The following NXPH1 variants were observed in gnomAD, a reference collection of about 807,000 sequenced individuals.
NXPH1 encodes the protein neurexophilin-1.
NXPH1 carries 5 observed loss-of-function variants against 23.7 expected under a neutral mutation model. The ratio of observed to expected loss-of-function variants is 0.21; its 90% confidence interval spans 0.11 to 0.44. NXPH1 has a LOEUF of 0.44. Among genes scored for constraint, NXPH1 ranks in the 20% least tolerant of loss-of-function variants. The pLI is 0.99. For missense variants in NXPH1, 324 were observed against 321.6 expected, an observed-to-expected ratio of 1.01 and a Z score of -0.06; for synonymous variants, 144 against 122.2, an observed-to-expected ratio of 1.18 and a Z score of -1.18.
chr7:8,638,951 T>G (rs1820263047), intron 2 of NXPH1, among the ~76,000 whole-genome samples: 1 of 152,076 alleles, frequency 6.6e-6, no homozygotes, highest in Admixed American at 6.6e-5. Flanking sequence ...CCTTGACCTC[T>G]CCAACCCTCA....
At chr7:8,602,294 C>A (rs1164974484) in intron 2 of NXPH1, among the ~76,000 whole-genome samples, 1 of 152,146 alleles carries the variant, frequency 6.6e-6, no homozygotes, top group Non-Finnish European at 1.5e-5. Flanking sequence ...GAGATCTGAA[C>A]ACATTATTCC....
chr7:8,727,493 C>A (rs1319054031), intron 2 of NXPH1, among the ~76,000 whole-genome samples: 4 of 149,866 alleles, frequency 2.7e-5, no homozygotes, highest in African/African-American at 1.0e-4. Flanking sequence ...AGTCTTTAAT[C>A]CATCTTGAAT....
At chr7:8,663,159 A>G (rs1053329156) in intron 2 of NXPH1, among the ~76,000 whole-genome samples, 3 of 152,100 alleles carry the variant, frequency 2.0e-5, no homozygotes, top group African/African-American at 4.8e-5. Flanking sequence ...GTCATTTAGT[A>G]TACATGGAGT....
At chr7:8,577,125 T>C (rs891334184) in intron 2 of NXPH1, among the ~76,000 whole-genome samples, 2 of 152,192 alleles carry the variant, frequency 1.3e-5, no homozygotes, top group African/African-American at 4.8e-5. Context: ...ATCCTCCCTG[T>C]ATTGTTTAAT....
chr7:8,573,259 TCTAA>T (rs1401183150), intron 2 of NXPH1, among the ~76,000 whole-genome samples: 1 of 152,110 alleles, frequency 6.6e-6, no homozygotes, highest in Non-Finnish European at 1.5e-5. Context: ...AATATAATTG[TCTAA>T]CTTTGGGTTT....
At chr7:8,475,487 A>G (rs1816954118) in intron 2 of NXPH1, among the ~76,000 whole-genome samples, 3 of 152,154 alleles carry the variant, frequency 2.0e-5, no homozygotes, top group Admixed American at 1.3e-4. Context: ...AGATTTCTAA[A>G]TAAAAAACAA....
intron 2 of NXPH1, among the ~76,000 whole-genome samples, chr7:8,694,920 G>C (rs1821281589): frequency 6.6e-6 from 1 of 152,148 alleles, no homozygotes; most frequent in Non-Finnish European, 1.5e-5. Context: ...TTGGGATTCT[G>C]TGGATAATTC....
At chr7:8,693,037 G>A (rs747665729) in intron 2 of NXPH1, among the ~76,000 whole-genome samples, 3 of 152,066 alleles carry the variant, frequency 2.0e-5, no homozygotes, top group Admixed American at 6.6e-5. Context: ...TAGGAAAATA[G>A]AAAAAAGAGG....
At chr7:8,604,491 C>T (rs1251630701) in intron 2 of NXPH1, among the ~76,000 whole-genome samples, 3 of 152,060 alleles carry the variant, frequency 2.0e-5, no homozygotes, top group African/African-American at 7.2e-5. Flanking sequence ...TTCTTTGTTA[C>T]ATAGTAGATT....
chr7:8,667,371 A>ATTTGT (rs71017613), intron 2 of NXPH1, among the ~76,000 whole-genome samples: 3 of 37,464 alleles, frequency 8.0e-5, no homozygotes, highest in Non-Finnish European at 2.7e-4. Context: ...TTTCCCAAAT[A>ATTTGT]TTTGTTTTGT....
chr7:8,717,431 G>A (rs575851323), intron 2 of NXPH1, among the ~76,000 whole-genome samples: 5 of 152,136 alleles, frequency 3.3e-5, no homozygotes, highest in South Asian at 2.1e-4. Flanking sequence ...TCTGCAAAAT[G>A]TTCCTAGGAT....
chr7:8,532,687 C>G (rs1453793522), intron 2 of NXPH1, among the ~76,000 whole-genome samples: 1 of 152,092 alleles, frequency 6.6e-6, no homozygotes, highest in Non-Finnish European at 1.5e-5. Context: ...CACAGAGATT[C>G]TGATTATGCT....
intron 2 of NXPH1, among the ~76,000 whole-genome samples, chr7:8,545,418 A>G (rs1304294444): frequency 6.6e-6 from 1 of 151,524 alleles, no homozygotes; most frequent in Admixed American, 6.6e-5. Flanking sequence ...TATTAGAAAA[A>G]TGCCTCAACT....
intron 2 of NXPH1, among the ~76,000 whole-genome samples, chr7:8,480,894 A>T (rs1817062056): frequency 1.3e-5 from 2 of 152,208 alleles, no homozygotes; most frequent in Non-Finnish European, 2.9e-5. Context: ...GTTGTTGTCA[A>T]GATGGATATT....
chr7:8,745,298 A>G (rs961036466), intron 2 of NXPH1, among the ~76,000 whole-genome samples: 1 of 152,196 alleles, frequency 6.6e-6, no homozygotes, highest in Non-Finnish European at 1.5e-5. Context: ...CAAGCTATTT[A>G]CCATATGCAT....
intron 2 of NXPH1, among the ~76,000 whole-genome samples, chr7:8,553,849 C>T (rs1036802607): frequency 6.6e-6 from 1 of 151,652 alleles, no homozygotes; most frequent in Admixed American, 6.6e-5. Context: ...AAGTTGAGAT[C>T]TATTACTAAT....
chr7:8,611,060 C>T (rs932559455), intron 2 of NXPH1, among the ~76,000 whole-genome samples: 1 of 152,024 alleles, frequency 6.6e-6, no homozygotes, highest in Non-Finnish European at 1.5e-5. Context: ...TTCACTTTAC[C>T]CACAGAAATT....
chr7:8,601,028 A>G (rs936324381), intron 2 of NXPH1, among the ~76,000 whole-genome samples: 26 of 152,262 alleles, frequency 1.7e-4, no homozygotes, highest in African/African-American at 6.3e-4. Context: ...GATTTAAAGT[A>G]TATGGAAGGA....
In NXPH1 at chr7:8,435,478, T is replaced by C. The variant is rs1388128411; in HGVS notation, c.-110-126T>C. ...CGCTGGATTTACTCGCTTTTCAATT[T>C]TTCGTACCCTCCCTCCCTTTTTTTT... On this transcript the variant is annotated intron_variant, in intron 1 of 2. Coordinates refer to ENST00000405863, the MANE Select transcript of NXPH1 (RefSeq NM_152745.3). The surrounding 1 kb of genome is among the most constrained non-coding windows in gnomAD (Gnocchi z 5.9). 1.8e-6 allele frequency: 1 copy of C among 566,994 alleles called. No individual in the cohort carries two copies. The highest frequency in any genetic ancestry group is 3.1e-6 in the Non-Finnish European group (1 of 319,404). 35.1% of individuals were successfully genotyped at this position (566,994 alleles called of 1,614,324 possible).
Sources: gnomAD v4.1 joint callset for allele counts (sites outside exome capture counted in the v4.1 genomes callset) on GRCh38, gnomAD v4.1.1 for gene constraint, Gnocchi (gnomAD v3.1) non-coding constraint, MANE v1.5 for transcripts, NCBI Gene and HGNC (gene_info 2026-07-23, HGNC 2026-07-21) for gene names.